Variants in NPAS3 observed in about 807,000 individuals in gnomAD.
The protein encoded by NPAS3 is neuronal PAS domain-containing protein 3.
In NPAS3, 14 loss-of-function variants were observed where a neutral mutation model predicts 73.1. The ratio of observed to expected loss-of-function variants is 0.19; its 90% CI spans 0.13 to 0.30. The LOEUF is 0.30. Ranked by LOEUF, NPAS3 falls within the 10% of genes least tolerant of loss-of-function variation. The probability of loss-of-function intolerance (pLI) is 1.00; values close to 1 mark genes in which losing one functional copy is unlikely to be tolerated. For synonymous variants in NPAS3, 620 were observed against 541.5 expected, an observed-to-expected ratio of 1.14 and a Z score of -2.01; for missense variants, 1,096 against 1,250.0, an observed-to-expected ratio of 0.88 and a Z score of 1.86.
chr14:33,455,830 T>C (rs548712306), intron 4 of NPAS3, among the ~76,000 whole-genome samples: 1 of 152,270 alleles, frequency 6.6e-6, no homozygotes, highest in South Asian at 2.1e-4. Context: ...GCCTTTGTTA[T>C]GCATGTACAA....
intron 4 of NPAS3, among the ~76,000 whole-genome samples, chr14:33,507,945 C>G (rs59364555): frequency 2.3e-4 from 35 of 151,910 alleles, no homozygotes; most frequent in Middle Eastern, 6.8e-3. Context: ...TTTTTTAAGA[C>G]TAAGCCTCTC....
intron 1 of NPAS3, among the ~76,000 whole-genome samples, chr14:33,014,088 C>T (rs1461956805): frequency 6.6e-6 from 1 of 152,082 alleles, no homozygotes; most frequent in Non-Finnish European, 1.5e-5. Flanking sequence ...CCTTACTTCC[C>T]ATAAGGTATT....
intron 5 of NPAS3, among the ~76,000 whole-genome samples, chr14:33,663,244 C>T (rs1448587477): frequency 6.6e-6 from 1 of 152,176 alleles, no homozygotes; most frequent in East Asian, 1.9e-4. Flanking sequence ...AGATACATTC[C>T]ATCAATACCT....
intron 3 of NPAS3, among the ~76,000 whole-genome samples, chr14:33,365,343 G>A (rs181989682): frequency 6.6e-6 from 1 of 152,058 alleles, no homozygotes; most frequent in Admixed American, 6.5e-5. Context: ...TGCCAAAGGA[G>A]TTTTGAAGGG....
At chr14:33,052,048 C>T (rs2040729893) in intron 1 of NPAS3, among the ~76,000 whole-genome samples, 1 of 152,252 alleles carries the variant, frequency 6.6e-6, no homozygotes. Context: ...TGTGAGCCAC[C>T]GTGCCTGGCC....
At position 33,150,703 on chromosome 14, in the gene NPAS3, T is replaced by A. The variant is rs558771751; in HGVS notation, c.141-64479T>A. 5.5e-3 allele frequency among the ~76,000 whole-genome samples: 841 copies of A among 152,322 alleles called. 5 individuals carry two copies. The highest frequency in any genetic ancestry group is 0.013 in the South Asian group (64 of 4,830). On this transcript the variant is annotated intron_variant, in intron 2 of 11. Coordinates refer to ENST00000356141, the Ensembl canonical transcript of NPAS3. Reference sequence around the variant, plus strand: ...TTCAGAAATTATCCCCACTTAGCAATAGGTGAAATGATTTCTCCGTAATCA... The same window carrying A: ...TTCAGAAATTATCCCCACTTAGCAAAAGGTGAAATGATTTCTCCGTAATCA...
chr14:33,092,716 CTA>C (rs1480119514), intron 2 of NPAS3, among the ~76,000 whole-genome samples: 1 of 152,194 alleles, frequency 6.6e-6, no homozygotes, highest in East Asian at 1.9e-4. Context: ...TGACTTCAAA[CTA>C]TGCTACAAGG....
At chr14:33,535,281 A>G (rs1161893407) in intron 4 of NPAS3, among the ~76,000 whole-genome samples, 1 of 152,250 alleles carries the variant, frequency 6.6e-6, no homozygotes, top group Non-Finnish European at 1.5e-5. Flanking sequence ...ACCCTTAGGC[A>G]TATGACTTTC....
At chr14:33,750,442 C>T (rs2140756232) in intron 7 of NPAS3, among the ~76,000 whole-genome samples, 1 of 152,264 alleles carries the variant, frequency 6.6e-6, no homozygotes, top group South Asian at 2.1e-4. Flanking sequence ...TACTTCAGTT[C>T]CTTCCAGACT....
chr14:33,387,459 A>C (rs1594813633), intron 4 of NPAS3, among the ~76,000 whole-genome samples: 1 of 152,124 alleles, frequency 6.6e-6, no homozygotes, highest in East Asian at 1.9e-4. Context: ...TTTGGCCTAA[A>C]TACCCGTTAC....
At chr14:33,618,917 A>T (rs1025695008) in intron 5 of NPAS3, among the ~76,000 whole-genome samples, 1 of 152,244 alleles carries the variant, frequency 6.6e-6, no homozygotes, top group African/African-American at 2.4e-5. Context: ...GTAAAAATGT[A>T]GAAAGAGAAG....
intron 6 of NPAS3, among the ~76,000 whole-genome samples, chr14:33,708,973 A>C (rs2060739762): frequency 6.6e-6 from 1 of 152,202 alleles, no homozygotes; most frequent in South Asian, 2.1e-4. Context: ...CAAAGTAAGG[A>C]CAAGAAAATT....
chr14:33,288,235 T>C (rs979163550), intron 3 of NPAS3, among the ~76,000 whole-genome samples: 23 of 152,196 alleles, frequency 1.5e-4, no homozygotes. Flanking sequence ...GCATTCTTTG[T>C]CAACACTCTA....
chr14:33,611,939 T>C (rs919110873), intron 5 of NPAS3, among the ~76,000 whole-genome samples: 1 of 152,188 alleles, frequency 6.6e-6, no homozygotes, highest in African/African-American at 2.4e-5. Context: ...AAATTAAATT[T>C]GAACTAGTGA....
intron 7 of NPAS3, among the ~76,000 whole-genome samples, chr14:33,758,025 A>T (rs747180380): frequency 5.9e-5 from 9 of 152,340 alleles, no homozygotes; most frequent in Non-Finnish European, 1.3e-4. Context: ...TGAATGAATG[A>T]ACGAATGAAT....
intron 6 of NPAS3, among the ~76,000 whole-genome samples, chr14:33,710,747 A>G (rs2060795663): frequency 6.6e-6 from 1 of 152,216 alleles, no homozygotes; most frequent in Admixed American, 6.5e-5. Flanking sequence ...AACTAACTCT[A>G]GTGCTAACTT....
intron 6 of NPAS3, among the ~76,000 whole-genome samples, chr14:33,706,401 G>A (rs896481507): frequency 1.3e-5 from 2 of 152,154 alleles, no homozygotes; most frequent in East Asian, 3.9e-4. Flanking sequence ...AGCAATTAAA[G>A]TCATTCATCC....
At chr14:33,597,554 C>T (rs1339175093) in intron 5 of NPAS3, among the ~76,000 whole-genome samples, 2 of 152,250 alleles carry the variant, frequency 1.3e-5, no homozygotes, top group African/African-American at 4.8e-5. Flanking sequence ...ACAGGTTTAG[C>T]TCCAGATTGC....
At chr14:33,248,080 T>A (rs1297200284) in intron 3 of NPAS3, among the ~76,000 whole-genome samples, 1 of 152,216 alleles carries the variant, frequency 6.6e-6, no homozygotes, top group Admixed American at 6.5e-5. Context: ...GTGTGAAAAA[T>A]GACTGCAAGT....
Sources: allele counts gnomAD v4.1 joint callset (sites outside exome capture counted in the v4.1 genomes callset), GRCh38; gene constraint gnomAD v4.1.1; transcripts MANE v1.5; gene names NCBI Gene and HGNC (gene_info 2026-07-23, HGNC 2026-07-21).